Variants in CMKLR1 observed in about 807,000 individuals in gnomAD.
CMKLR1 encodes chemerin-like receptor 1.
CMKLR1 carries 6 observed loss-of-function variants against 8.2 expected under a neutral mutation model. The ratio of observed to expected loss-of-function variants is 0.73; its 90% CI spans 0.40 to 1.44. The LOEUF (loss-of-function observed/expected upper bound fraction) is 1.44. CMKLR1 is among the 40% of genes most tolerant of loss of function. The probability of loss-of-function intolerance (pLI) is 0.02; values close to 1 mark genes in which losing one functional copy is unlikely to be tolerated. For missense variants in CMKLR1, 429 were observed against 478.0 expected (o/e 0.90, Z 0.96); for synonymous variants, 178 against 181.2 (o/e 0.98, Z 0.14).
rs966714662 is a variant in CMKLR1 at position 108,293,578 on chromosome 12, G to A, written c.3+11C>T. On this transcript the variant is annotated intron_variant, in intron 3 of 3. Transcript: ENST00000550402. ...GTGCCCTTTGGAGTTCAGACCACAAGACTTCCTCACCATTCACCGTTATGT... is the reference window on the plus strand; with the variant it reads ...GTGCCCTTTGGAGTTCAGACCACAAAACTTCCTCACCATTCACCGTTATGT... The A allele has an allele frequency of 6.5e-7, 1 of 1,549,376 alleles. No individual in the cohort carries two copies. Among genetic ancestry groups the A allele is most frequent in the East Asian group, 2.5e-5 (1 of 40,786 alleles).
intron 2 of CMKLR1, among the ~76,000 whole-genome samples, chr12:108,318,336 A>G (rs1407843167): frequency 6.6e-6 from 1 of 152,232 alleles, no homozygotes; most frequent in African/African-American, 2.4e-5. Context: ...TGATCCATCA[A>G]GAATATCCTT....
In CMKLR1 at chr12:108,339,295, G is replaced by C. The variant is rs919561751; in HGVS notation, c.-555C>G. On this transcript the variant is annotated 5_prime_UTR_variant, in exon 1 of 4. Coordinates refer to ENST00000550402, the MANE Select transcript of CMKLR1 (RefSeq NM_001142343.2). Reference sequence around the variant, plus strand: ...GTCCTGAGCTCCCTGCTGGCCGCCGGGGCTGCTTCCCTGAATGGGACTGGG... The same window carrying C: ...GTCCTGAGCTCCCTGCTGGCCGCCGCGGCTGCTTCCCTGAATGGGACTGGG... 2 of 152,654 alleles carry C rather than the reference G, an allele frequency of 1.3e-5. No individual in the cohort carries two copies. Among genetic ancestry groups the C allele is most frequent in the African/African-American group, 4.8e-5 (2 of 41,464 alleles). The allele number at this position is 152,654 out of a possible 1,614,324, so 9.5% of individuals were successfully genotyped here. A position where few individuals can be genotyped will look rare whatever the true frequency, so the allele number is the denominator to read the frequency against.
rs1890865215 is a variant in CMKLR1 at position 108,288,535 on chromosome 12, ACCCCT to A, written c.*3301_*3305del. 1 of 152,052 alleles carries A rather than the reference ACCCCT, an allele frequency of 6.6e-6. No homozygotes were observed. Among genetic ancestry groups the A allele is most frequent in the Non-Finnish European group, 1.5e-5 (1 of 68,118 alleles). 9.4% of individuals were successfully genotyped at this position (152,052 alleles called of 1,614,324 possible). On this transcript the variant is annotated 3_prime_UTR_variant, in exon 4 of 4. Transcript: ENST00000550402. ...CCCTTTGTCAGTGCCCAGTTTCCTCACCCCTTCTGAACCTTGCTGCCAGAATCTCT... is the reference window on the plus strand; with the variant it reads ...CCCTTTGTCAGTGCCCAGTTTCCTCATCTGAACCTTGCTGCCAGAATCTCT...
chr12:108,337,312 T>C (rs1892250821), intron 1 of CMKLR1, among the ~76,000 whole-genome samples: 1 of 152,136 alleles, frequency 6.6e-6, no homozygotes, highest in African/African-American at 2.4e-5. Context: ...TGAGAGGAGT[T>C]ATTAGGTAAA....
rs1593184706 is a variant in CMKLR1 at position 108,339,111 on chromosome 12, A to T, written c.-371T>A. ...TCGAGGCTGTTGGGGAGACTTGCAC[A>T]CCCTGGCTTCTTTCTGCCAATCACA... On this transcript the variant is annotated 5_prime_UTR_variant, in exon 1 of 4. Coordinates refer to ENST00000550402, the MANE Select transcript of CMKLR1 (RefSeq NM_001142343.2). The T allele has an allele frequency of 6.6e-6, 1 of 152,058 alleles. No individual in the cohort carries two copies. 9.4% of individuals were successfully genotyped at this position (152,058 alleles called of 1,614,324 possible).
At chr12:108,317,389 T>C (rs1252380428) in intron 2 of CMKLR1, among the ~76,000 whole-genome samples, 3 of 152,090 alleles carry the variant, frequency 2.0e-5, no homozygotes, top group Admixed American at 6.6e-5. Flanking sequence ...CTATGAGACA[T>C]AGGTATTGAC....
rs374395148 is a variant in CMKLR1, at chr12:108,292,091, C to T, written c.872G>A (p.Gly291Asp). 3.1e-6 allele frequency: 5 copies of T among 1,614,042 alleles called. No homozygotes were observed. Among genetic ancestry groups the T allele is most frequent in the Non-Finnish European group, 4.2e-6 (5 of 1,180,022 alleles). ...LLELHHTAMP[G>D]SVFSLGLPLA... ...GGGCAAACCCAGGCTGAAGACAGAG[C>T]CAGGCATGGCAGTGTGGTGGAGCTC... is the stretch of plus-strand genomic sequence containing the variant. The change falls in exon 4 of 4, where the codon GGC becomes GAC. Residue 291 changes from glycine (G) to aspartate (D), a missense_variant. Physicochemically the swap from Gly to Asp is moderately conservative, Grantham distance 94 (BLOSUM62 -1). Coordinates refer to ENST00000550402, the MANE Select transcript of CMKLR1 (RefSeq NM_001142343.2).
intron 2 of CMKLR1, 38 bp from the exon 3 acceptor site, chr12:108,293,702 A>G (rs943338102): frequency 5.7e-6 from 7 of 1,224,530 alleles, no homozygotes; most frequent in Admixed American, 4.7e-5. Flanking sequence ...CAGCAATTGG[A>G]TCCAGGTCTA....
chr12:108,327,680 G>A (rs1011204750), intron 2 of CMKLR1, among the ~76,000 whole-genome samples: 4 of 152,198 alleles, frequency 2.6e-5, no homozygotes, highest in Non-Finnish European at 5.9e-5. Flanking sequence ...AGGTAGGACT[G>A]GTCCCAGAGG....
intron 1 of CMKLR1, among the ~76,000 whole-genome samples, chr12:108,331,102 C>CACCAGT (rs1480097219): frequency 6.6e-6 from 1 of 152,162 alleles, no homozygotes; most frequent in Non-Finnish European, 1.5e-5. Flanking sequence ...AACTAGAAAT[C>CACCAGT]ACCAGTACCT....
chr12:108,291,585 T>A lies in CMKLR1; in HGVS notation c.*256A>T. 1 of 462,704 alleles carries A rather than the reference T, an allele frequency of 2.2e-6. No individual in the cohort carries two copies. Among genetic ancestry groups the A allele is most frequent in the East Asian group, 3.8e-5 (1 of 26,068 alleles). The allele number at this position is 462,704 out of a possible 1,614,324, so 28.7% of individuals were successfully genotyped here. A position where few individuals can be genotyped will look rare whatever the true frequency, so the allele number is the denominator to read the frequency against. Reference sequence around the variant, plus strand: ...ATGCTTTTGAGAATTCTTCCTTTTTTGCTTTGAGTCAGTCAAGGCTGGCCT... The same window carrying A: ...ATGCTTTTGAGAATTCTTCCTTTTTAGCTTTGAGTCAGTCAAGGCTGGCCT... On this transcript the variant is annotated 3_prime_UTR_variant, in exon 4 of 4. Coordinates refer to ENST00000550402, the MANE Select transcript of CMKLR1 (RefSeq NM_001142343.2).
intron 2 of CMKLR1, 82 bp from the exon 3 acceptor site, chr12:108,293,746 TA>T: frequency 1.4e-6 from 1 of 724,588 alleles, no homozygotes. Flanking sequence ...CAGCCAGAAA[TA>T]AGATCTGTTG....
rs528880026 is a variant in CMKLR1 at position 108,300,274 on chromosome 12, C to A, written c.-73-6610G>T. On this transcript the variant is annotated intron_variant, in intron 2 of 3. Coordinates refer to ENST00000550402, the MANE Select transcript of CMKLR1 (RefSeq NM_001142343.2). Reference sequence around the variant, plus strand: ...GGGAACACGGCCTTTTACAAGCTAACCTTGGGGGTTAGTGCTTAGAAATCA... The same window carrying A: ...GGGAACACGGCCTTTTACAAGCTAAACTTGGGGGTTAGTGCTTAGAAATCA... Among the ~76,000 whole-genome samples, 3 of 152,290 alleles carry A rather than the reference C, an allele frequency of 2.0e-5. No homozygotes were observed. The East Asian group carries it at 5.8e-4, about 29-fold the overall frequency.
At chr12:108,305,011 C>T (rs1039864180) in intron 2 of CMKLR1, among the ~76,000 whole-genome samples, 15 of 152,206 alleles carry the variant, frequency 9.9e-5, no homozygotes, top group Non-Finnish European at 1.3e-4. Flanking sequence ...CATGACCCAC[C>T]CTGACAGTCC....
chr12:108,324,357 G>A (rs1281414957), intron 2 of CMKLR1, among the ~76,000 whole-genome samples: 1 of 152,162 alleles, frequency 6.6e-6, no homozygotes, highest in Non-Finnish European at 1.5e-5. Context: ...CCAGCTGTGT[G>A]ACCTTGGGCA....
In CMKLR1 at chr12:108,330,017, G is replaced by A. The variant is rs1892068267; in HGVS notation, c.-96C>T. The stretch of plus-strand genomic sequence containing the variant: ...CACATGTCACGCCTCCCATCAAGAA[G>A]TGGACTCTATTTCTCCTCCCCTTGA... On this transcript the variant is annotated 5_prime_UTR_variant, in exon 2 of 4. Transcript: ENST00000550402. 1 of 152,190 alleles carries A rather than the reference G, an allele frequency of 6.6e-6. No individual in the cohort carries two copies. Among genetic ancestry groups the A allele is most frequent in the Admixed American group, 6.5e-5 (1 of 15,278 alleles). 9.4% of individuals were successfully genotyped at this position (152,190 alleles called of 1,614,324 possible). A position where few individuals can be genotyped will look rare whatever the true frequency, so the allele number is the denominator to read the frequency against.
chr12:108,294,008 G>A lies in CMKLR1; in HGVS notation c.-73-344C>T, dbSNP rs113775553. Among the ~76,000 whole-genome samples, 3 of 152,290 alleles carry A rather than the reference G, an allele frequency of 2.0e-5. 1 individual carries two copies. Among genetic ancestry groups the A allele is most frequent in the South Asian group, 2.1e-4 (1 of 4,818 alleles). ...ATGGCTCAATCCACTACCAGGTCGG[G>A]ACTCAACTCCACTACCAGGGCAGGA... On this transcript the variant is annotated intron_variant, in intron 2 of 3. Coordinates refer to ENST00000550402, the MANE Select transcript of CMKLR1 (RefSeq NM_001142343.2).
chr12:108,320,318 T>C (rs1225571404), intron 2 of CMKLR1, among the ~76,000 whole-genome samples: 1 of 151,910 alleles, frequency 6.6e-6, no homozygotes, highest in East Asian at 1.9e-4. Flanking sequence ...CCCAAAGGGG[T>C]GGCATGACTA....
At chr12:108,334,648 C>T (rs1182680394) in intron 1 of CMKLR1, among the ~76,000 whole-genome samples, 1 of 152,202 alleles carries the variant, frequency 6.6e-6, no homozygotes, top group African/African-American at 2.4e-5. Flanking sequence ...CTAACCACAC[C>T]ATGTACACGT....
Sources: allele counts gnomAD v4.1 joint callset (sites outside exome capture counted in the v4.1 genomes callset), GRCh38; gene constraint gnomAD v4.1.1; transcripts MANE v1.5; gene names NCBI Gene and HGNC (gene_info 2026-07-23, HGNC 2026-07-21).